FGF14: variants seen among roughly 807,000 people sequenced by gnomAD.
The protein encoded by FGF14 is fibroblast growth factor homologous factor 4.
In FGF14, 5 loss-of-function variants were observed where a neutral mutation model predicts 25.5. The ratio of observed to expected loss-of-function variants is 0.20; its 90% CI spans 0.10 to 0.41. The LOEUF (loss-of-function observed/expected upper bound fraction) is 0.41. Ranked by LOEUF, FGF14 falls within the 10% of genes least tolerant of loss-of-function variation. FGF14 has a pLI of 1.00. For synonymous variants in FGF14, 138 were observed against 118.3 expected (o/e 1.17, Z -1.08); for missense variants, 222 against 320.1 (o/e 0.69, Z 2.34).
chr13:101,795,971 T>C (rs1419332875), intron 3 of FGF14, among the ~76,000 whole-genome samples: 1 of 152,120 alleles, frequency 6.6e-6, no homozygotes, highest in Non-Finnish European at 1.5e-5. Flanking sequence ...GAATTTAGCT[T>C]GTGTAAAGTG....
chr13:102,092,749 A>G (rs922563032), intron 1 of FGF14, among the ~76,000 whole-genome samples: 1 of 152,224 alleles, frequency 6.6e-6, no homozygotes, highest in Admixed American at 6.5e-5. Flanking sequence ...GCACAACTAC[A>G]TTAGATACAC....
At chr13:102,116,546 T>C (rs672122) in intron 1 of FGF14, among the ~76,000 whole-genome samples, 80,885 of 152,032 alleles carry the variant, frequency 0.53, 22,924 homozygotes, top group East Asian at 0.75. Context: ...AAATATTATA[T>C]TAAGTAAAAT....
At chr13:102,079,332 A>AATC (rs1313748662) in intron 1 of FGF14, among the ~76,000 whole-genome samples, 3 of 152,208 alleles carry the variant, frequency 2.0e-5, no homozygotes, top group African/African-American at 7.2e-5. Context: ...ACTTTCAGGA[A>AATC]ATCATGGAAA....
At chr13:102,122,657 T>G (rs2045780222) in intron 1 of FGF14, among the ~76,000 whole-genome samples, 1 of 152,168 alleles carries the variant, frequency 6.6e-6, no homozygotes, top group Admixed American at 6.5e-5. Flanking sequence ...TAGAACTATT[T>G]AGTTACATGC....
intron 3 of FGF14, among the ~76,000 whole-genome samples, chr13:101,740,451 G>C (rs2036475207): frequency 6.6e-6 from 1 of 152,128 alleles, no homozygotes. Flanking sequence ...CAGTTGTGTG[G>C]GCCAAGGCAT....
At chr13:101,770,414 A>G (rs2038699459) in intron 3 of FGF14, among the ~76,000 whole-genome samples, 1 of 152,144 alleles carries the variant, frequency 6.6e-6, no homozygotes. Flanking sequence ...ATTCATTAAA[A>G]CAAACATTTG....
chr13:101,930,602 C>T (rs1443976468), intron 1 of FGF14, among the ~76,000 whole-genome samples: 2 of 152,182 alleles, frequency 1.3e-5, no homozygotes, highest in Non-Finnish European at 2.9e-5. Flanking sequence ...TCCTTGGCTA[C>T]TTGGTATGAA....
chr13:102,180,437 C>G (rs904298319), intron 1 of FGF14, among the ~76,000 whole-genome samples: 1 of 152,002 alleles, frequency 6.6e-6, no homozygotes. Flanking sequence ...CTCAGCCTCC[C>G]GAGTAGCTGG....
At chr13:101,832,544 G>T (rs1422679412) in intron 3 of FGF14, among the ~76,000 whole-genome samples, 1 of 152,020 alleles carries the variant, frequency 6.6e-6, no homozygotes, top group Non-Finnish European at 1.5e-5. Flanking sequence ...CTTGATAGAG[G>T]AGGAGACAAG....
intron 1 of FGF14, among the ~76,000 whole-genome samples, chr13:102,216,946 T>C (rs981338098): frequency 6.6e-6 from 1 of 152,226 alleles, no homozygotes; most frequent in African/African-American, 2.4e-5. Context: ...CTTAACATAA[T>C]GTCCTCCAAG....
intron 1 of FGF14, among the ~76,000 whole-genome samples, chr13:101,898,058 A>C (rs9557753): frequency 0.38 from 57,467 of 151,406 alleles, 12,930 homozygotes; most frequent in African/African-American, 0.61. Context: ...CCACGTCCAG[A>C]TAATGTTTGT....
At chr13:101,938,663 A>C (rs2139297912) in intron 1 of FGF14, among the ~76,000 whole-genome samples, 1 of 152,326 alleles carries the variant, frequency 6.6e-6, no homozygotes, top group Admixed American at 6.5e-5. Context: ...CTCAAAGCTA[A>C]GCACATTTTT....
At chr13:102,265,776 A>ACTGAAAACACTTTACCTAG (rs1235212511) in intron 1 of FGF14, among the ~76,000 whole-genome samples, 1 of 152,186 alleles carries the variant, frequency 6.6e-6, no homozygotes, top group Non-Finnish European at 1.5e-5. Context: ...ACTTTACCTA[A>ACTGAAAACACTTTACCTAG]GAACTGAAAA....
intron 1 of FGF14, among the ~76,000 whole-genome samples, chr13:102,346,995 C>T (rs2057126961): frequency 6.6e-6 from 1 of 152,146 alleles, no homozygotes; most frequent in Non-Finnish European, 1.5e-5. Context: ...TTCAATAGAA[C>T]ATCCAAAAGT....
chr13:102,105,578 T>C (rs1459378606), intron 1 of FGF14, among the ~76,000 whole-genome samples: 1 of 152,220 alleles, frequency 6.6e-6, no homozygotes, highest in Non-Finnish European at 1.5e-5. Flanking sequence ...TTCTGCATTA[T>C]TGGAGAGTAG....
chr13:101,751,952 A>C (rs9518510), intron 3 of FGF14, among the ~76,000 whole-genome samples: 100,818 of 151,994 alleles, frequency 0.66, 35,707 homozygotes, highest in East Asian at 0.86. Flanking sequence ...AACAAAAAAA[A>C]CAACTCCATC....
chr13:102,136,743 T>A (rs1342602859), intron 1 of FGF14, among the ~76,000 whole-genome samples: 1 of 151,910 alleles, frequency 6.6e-6, no homozygotes, highest in African/African-American at 2.4e-5. Context: ...GTATGACTGA[T>A]CTGAATATGG....
chr13:101,909,396 A>G (rs572667114), intron 1 of FGF14, among the ~76,000 whole-genome samples: 1 of 152,128 alleles, frequency 6.6e-6, no homozygotes, highest in Non-Finnish European at 1.5e-5. Flanking sequence ...AATTTGCAAG[A>G]AAAAAACAAA....
chr13:102,328,760 A>T (rs2056542797), intron 1 of FGF14, among the ~76,000 whole-genome samples: 1 of 152,222 alleles, frequency 6.6e-6, no homozygotes, highest in African/African-American at 2.4e-5. Context: ...ATTAAGATGG[A>T]GCCCTAACAA....
Sources: allele counts gnomAD v4.1 joint callset (sites outside exome capture counted in the v4.1 genomes callset), GRCh38; gene constraint gnomAD v4.1.1; transcripts MANE v1.5; gene names NCBI Gene and HGNC (gene_info 2026-07-23, HGNC 2026-07-21).